Variants in AGBL4 observed in about 807,000 individuals in gnomAD.
AGBL4 encodes cytosolic carboxypeptidase 6.
In AGBL4, 58 loss-of-function variants were observed where a neutral mutation model predicts 66.4. That is an observed-to-expected ratio of 0.87 (90% CI 0.71 to 1.09). The LOEUF is 1.09. Among genes scored for constraint, AGBL4 ranks in the 50% least tolerant of loss-of-function variants. The probability of loss-of-function intolerance (pLI) is 0.00; values close to 1 mark genes in which losing one functional copy is unlikely to be tolerated. For synonymous variants in AGBL4, 234 were observed against 222.9 expected (o/e 1.05, Z -0.44); for missense variants, 579 against 631.0 (o/e 0.92, Z 0.88).
chr1:48,910,913 T>C (rs1284853412), intron 5 of AGBL4, among the ~76,000 whole-genome samples: 2 of 152,316 alleles, frequency 1.3e-5, no homozygotes. Context: ...TTGAGTTCCC[T>C]TATTTTATTT....
intron 3 of AGBL4, among the ~76,000 whole-genome samples, chr1:49,380,058 G>T (rs1304496559): frequency 1.3e-5 from 2 of 152,086 alleles, no homozygotes; most frequent in African/African-American, 2.4e-5. Context: ...AGGAAGTCAA[G>T]TTGTCCCTGT....
At chr1:49,143,679 T>C (rs921094528) in intron 4 of AGBL4, among the ~76,000 whole-genome samples, 5 of 152,036 alleles carry the variant, frequency 3.3e-5, no homozygotes, top group Non-Finnish European at 7.4e-5. Flanking sequence ...GTCTTATACA[T>C]AAATAGAAAA....
intron 8 of AGBL4, among the ~76,000 whole-genome samples, 159 bp from the exon 9 acceptor site, chr1:48,634,763 C>T (rs1201362080): frequency 6.6e-6 from 1 of 152,222 alleles, no homozygotes; most frequent in Non-Finnish European, 1.5e-5. Context: ...TTAATTCTTT[C>T]AGTGTCATCA....
chr1:49,043,926 G>A (rs1234270266), intron 5 of AGBL4, among the ~76,000 whole-genome samples: 1 of 152,086 alleles, frequency 6.6e-6, no homozygotes, highest in African/African-American at 2.4e-5. Flanking sequence ...ACAGTCACTA[G>A]GCTGAGTCCA....
At chr1:49,203,169 G>T (rs1465832537) in intron 4 of AGBL4, among the ~76,000 whole-genome samples, 1 of 151,758 alleles carries the variant, frequency 6.6e-6, no homozygotes, top group Admixed American at 6.6e-5. Context: ...TGCACTGTTG[G>T]TGGGACTGTA....
intron 2 of AGBL4, among the ~76,000 whole-genome samples, chr1:49,709,546 A>C (rs185193698): frequency 2.6e-5 from 4 of 152,344 alleles, no homozygotes; most frequent in Admixed American, 2.6e-4. Flanking sequence ...AAGCAATGGC[A>C]ACAAAAGCAA....
intron 1 of AGBL4, among the ~76,000 whole-genome samples, chr1:49,970,703 AAC>A: frequency 2.2e-5 from 3 of 136,406 alleles, no homozygotes; most frequent in South Asian, 5.1e-4. Context: ...CTCAAAAAAA[AAC>A]AAAACACACA....
At chr1:49,945,414 A>G (rs910512619) in intron 1 of AGBL4, among the ~76,000 whole-genome samples, 2 of 152,086 alleles carry the variant, frequency 1.3e-5, no homozygotes, top group Non-Finnish European at 2.9e-5. Context: ...CCTATCTTCA[A>G]CCTCATTAAA....
rs375257744 is a variant in AGBL4 at position 48,827,995 on chromosome 1, T to TACACACACACACACAC, written c.634+39180_634+39195dup. 1.2e-4 allele frequency among the ~76,000 whole-genome samples: 14 copies of TACACACACACACACAC among 116,978 alleles called. 1 individual carries two copies. The East Asian group carries it at 1.7e-3, about 14-fold the overall frequency. 76.7% of individuals were successfully genotyped at this position (116,978 alleles called of 152,430 possible). ...TGTGAGACCCCGTCTCTACTAAAAA[T>TACACACACACACACAC]ACACACACACACACACACACACACA... On this transcript the variant is annotated intron_variant, in intron 6 of 13. Transcript: ENST00000371839.
chr1:49,958,375 T>A (rs755544937), intron 1 of AGBL4, among the ~76,000 whole-genome samples: 4 of 152,002 alleles, frequency 2.6e-5, no homozygotes, highest in Non-Finnish European at 5.9e-5. Flanking sequence ...TTTGTGGCTT[T>A]CTCTGTATTT....
intron 2 of AGBL4, among the ~76,000 whole-genome samples, chr1:49,818,325 G>A (rs1188846151): frequency 2.6e-5 from 4 of 151,254 alleles, no homozygotes; most frequent in Non-Finnish European, 5.9e-5. Flanking sequence ...ATAATCATAT[G>A]GGTTTTTTTT....
intron 11 of AGBL4, among the ~76,000 whole-genome samples, chr1:48,543,991 G>A (rs1329152206): frequency 1.3e-5 from 2 of 152,130 alleles, no homozygotes; most frequent in South Asian, 2.1e-4. Flanking sequence ...CCACTATCCT[G>A]GCCCATTTCC....
intron 2 of AGBL4, among the ~76,000 whole-genome samples, chr1:49,843,820 C>T (rs985125579): frequency 2.6e-5 from 4 of 152,108 alleles, no homozygotes; most frequent in African/African-American, 9.6e-5. Flanking sequence ...GGAAGGTACC[C>T]ACATCACCCC....
At chr1:48,555,679 C>A (rs1261091654) in intron 11 of AGBL4, among the ~76,000 whole-genome samples, 1 of 152,126 alleles carries the variant, frequency 6.6e-6, no homozygotes, top group Non-Finnish European at 1.5e-5. Context: ...AGGGTGATTT[C>A]TCCTGTGGCC....
At chr1:49,492,258 A>G (rs1169992868) in intron 3 of AGBL4, among the ~76,000 whole-genome samples, 1 of 151,930 alleles carries the variant, frequency 6.6e-6, no homozygotes, top group East Asian at 1.9e-4. Flanking sequence ...GAATGTTTGG[A>G]GCAGACAATG....
intron 11 of AGBL4, 38 bp from the exon 12 acceptor site, chr1:48,539,776 G>T: frequency 7.4e-7 from 1 of 1,353,590 alleles, no homozygotes; most frequent in Non-Finnish European, 9.9e-7. Context: ...TTCGAAAACA[G>T]ATTGAGACAG....
chr1:49,923,225 C>T (rs193086705), intron 1 of AGBL4, among the ~76,000 whole-genome samples: 1 of 152,106 alleles, frequency 6.6e-6, no homozygotes, highest in African/African-American at 2.4e-5. Context: ...GAAAGGACAC[C>T]CTGTTCAATA....
rs1479107593 is a variant in AGBL4 at position 49,107,692 on chromosome 1, T to TGA, written c.378-61893_378-61892insTC. 1.9e-3 allele frequency among the ~76,000 whole-genome samples: 224 copies of TGA among 117,804 alleles called. 1 individual carries two copies. The highest frequency in any genetic ancestry group is 3.3e-3 in the East Asian group (14 of 4,218). The allele number at this position is 117,804 out of a possible 152,430, so 77.3% of individuals were successfully genotyped here. ...ATGTGTATGTGTGTGTGTGTGTGTG[T>TGA]GTGAGAGAGAGAGAGAGAGAGAGAG... On this transcript the variant is annotated intron_variant, in intron 4 of 13. Coordinates refer to ENST00000371839, the MANE Select transcript of AGBL4 (RefSeq NM_032785.4).
At chr1:49,659,930 C>T (rs1180119597) in intron 3 of AGBL4, among the ~76,000 whole-genome samples, 1 of 152,092 alleles carries the variant, frequency 6.6e-6, no homozygotes, top group East Asian at 1.9e-4. Context: ...CCTTTACTTA[C>T]ACCTTATACA....
Sources: gnomAD v4.1 joint callset for allele counts (sites outside exome capture counted in the v4.1 genomes callset) on GRCh38, gnomAD v4.1.1 for gene constraint, MANE v1.5 for transcripts, NCBI Gene and HGNC (gene_info 2026-07-23, HGNC 2026-07-21) for gene names.